BUB1B: variants seen among roughly 807,000 people sequenced by gnomAD.
The protein encoded by BUB1B is mitotic checkpoint serine/threonine-protein kinase BUB1 beta.
A neutral mutation model predicts 137.7 loss-of-function variants in BUB1B; 86 were observed. That is an observed-to-expected ratio of 0.62 (90% CI 0.52 to 0.75). The LOEUF (loss-of-function observed/expected upper bound fraction) is 0.75. BUB1B is among the 30% of genes least tolerant of loss of function. The probability of loss-of-function intolerance (pLI) is 0.00; values close to 1 mark genes in which losing one functional copy is unlikely to be tolerated. For missense variants in BUB1B, 1,130 were observed against 1,236.9 expected, an observed-to-expected ratio of 0.91 and a Z score of 1.30; for synonymous variants, 420 against 417.9, an observed-to-expected ratio of 1.00 and a Z score of -0.06.
intron 1 of BUB1B, among the ~76,000 whole-genome samples, chr15:40,162,983 A>T (rs755426212): frequency 5.3e-5 from 8 of 152,180 alleles, no homozygotes; most frequent in Admixed American, 1.3e-4. Flanking sequence ...AAAAAAATCA[A>T]TTCATTGCGG....
intron 9 of BUB1B, among the ~76,000 whole-genome samples, chr15:40,197,334 T>C (rs2037511035): frequency 6.6e-6 from 1 of 152,110 alleles, no homozygotes; most frequent in Non-Finnish European, 1.5e-5. Context: ...AATTGAGATA[T>C]GGGGAATTTT....
chr15:40,206,665 A>T (rs749660699), intron 15 of BUB1B, among the ~76,000 whole-genome samples: 1 of 152,196 alleles, frequency 6.6e-6, no homozygotes, highest in African/African-American at 2.4e-5. Flanking sequence ...GTAAATTTTG[A>T]TGGTAGAGAA....
intron 1 of BUB1B, among the ~76,000 whole-genome samples, chr15:40,163,367 G>A (rs746760449): frequency 2.0e-5 from 3 of 152,178 alleles, no homozygotes; most frequent in Admixed American, 6.5e-5. Context: ...TAAGCTCAGC[G>A]GTTCAAGACC....
intron 19 of BUB1B, 149 bp downstream of exon 19, chr15:40,212,797 A>G: frequency 1.2e-6 from 1 of 813,298 alleles, no homozygotes. Context: ...TTTTCTCGTT[A>G]TTTTGACCAA....
At position 40,199,746 on chromosome 15, in the gene BUB1B, T is replaced by A. The variant is rs1163981701; in HGVS notation, c.1401+19T>A. The stretch of plus-strand genomic sequence containing the variant: ...TGATCAGGTAATTTTTCTTTTTTCA[T>A]ACACAAAACTAGAATTTATTGAAAC... On this transcript the variant is annotated intron_variant, in intron 10 of 22. Transcript: ENST00000287598. The A allele has an allele frequency of 7.8e-6, 12 of 1,541,026 alleles. No homozygotes were observed. The highest frequency in any genetic ancestry group is 1.1e-5 in the Non-Finnish European group (12 of 1,114,792).
At chr15:40,185,512 T>C in intron 7 of BUB1B, 39 bp from the exon 8 acceptor site, 1 of 1,600,792 alleles carries the variant, frequency 6.2e-7, no homozygotes, top group Non-Finnish European at 8.6e-7. Context: ...TCTGAGAACA[T>C]AAAACTATGG....
At position 40,169,609 on chromosome 15, in the gene BUB1B, CTTTTTTTTTTTT is replaced by C. The variant is rs893767898; in HGVS notation, c.180-442_180-431del. Among the ~76,000 whole-genome samples the C allele has an allele frequency of 1.4e-3, 133 of 96,946 alleles. 2 individuals carry two copies. Among genetic ancestry groups the C allele is most frequent in the African/African-American group, 4.8e-3 (127 of 26,538 alleles). The allele number at this position is 96,946 out of a possible 152,430, so 63.6% of individuals were successfully genotyped here. On this transcript the variant is annotated intron_variant, in intron 2 of 22. Coordinates refer to ENST00000287598, the MANE Select transcript of BUB1B (RefSeq NM_001211.6). ...AAGTAGAATCTTAATTATTTCTATT[CTTTTTTTTTTTT>C]TTTTTTTTTTGAGACAGAGTCTTGC...
chr15:40,172,106 ATT>A (rs2037169601), intron 4 of BUB1B, among the ~76,000 whole-genome samples: 2 of 151,880 alleles, frequency 1.3e-5, no homozygotes, highest in Admixed American at 6.5e-5. Flanking sequence ...AAAGAAATAA[ATT>A]TCTTACTAAA....
intron 8 of BUB1B, among the ~76,000 whole-genome samples, chr15:40,195,933 CT>C (rs1159613831): frequency 3.3e-5 from 5 of 152,136 alleles, no homozygotes; most frequent in Admixed American, 3.3e-4. Flanking sequence ...TGTGGGTTGT[CT>C]GTTTACTCTG....
intron 5 of BUB1B, among the ~76,000 whole-genome samples, chr15:40,177,883 G>A (rs972728699): frequency 6.6e-6 from 1 of 151,090 alleles, no homozygotes; most frequent in Non-Finnish European, 1.5e-5. Flanking sequence ...GCATAGAGTT[G>A]TTCATAATAT....
intron 5 of BUB1B, among the ~76,000 whole-genome samples, chr15:40,179,870 T>C (rs1332423528): frequency 6.6e-6 from 1 of 151,968 alleles, no homozygotes; most frequent in Admixed American, 6.6e-5. Context: ...TAAAAGTTCC[T>C]TTATATTCCC....
At chr15:40,204,190 T>C (rs7173181) in intron 14 of BUB1B, among the ~76,000 whole-genome samples, 22,414 of 152,180 alleles carry the variant, frequency 0.15, 1,809 homozygotes, top group African/African-American at 0.18. Context: ...CTAGGTGCCA[T>C]TGGAATTTCC....
At chr15:40,203,883 GA>G (rs2037605616) in intron 14 of BUB1B, among the ~76,000 whole-genome samples, 1 of 152,216 alleles carries the variant, frequency 6.6e-6, no homozygotes, top group African/African-American at 2.4e-5. Flanking sequence ...GAAAAGAATT[GA>G]GTATGTTTAA....
At position 40,220,903 on chromosome 15, in the gene BUB1B, T is replaced by C. The variant is rs2140915177; in HGVS notation, c.*144T>C. On this transcript the variant is annotated 3_prime_UTR_variant, in exon 23 of 23. Coordinates refer to ENST00000287598, the MANE Select transcript of BUB1B (RefSeq NM_001211.6). The stretch of plus-strand genomic sequence containing the variant: ...TCTACTTTTTGGTACAGGTATATTT[T>C]GACGTCACTGATATTTTTTATACAG... 1 of 857,688 alleles carries C rather than the reference T, an allele frequency of 1.2e-6. No homozygotes were observed. Among genetic ancestry groups the C allele is most frequent in the South Asian group, 1.4e-5 (1 of 69,096 alleles). The allele number at this position is 857,688 out of a possible 1,614,324, so 53.1% of individuals were successfully genotyped here.
At chr15:40,216,733 G>A (rs968180449) in intron 20 of BUB1B, among the ~76,000 whole-genome samples, 16 of 151,352 alleles carry the variant, frequency 1.1e-4, no homozygotes, top group Middle Eastern at 3.4e-3. Context: ...CTGTATTTAG[G>A]AATATTGCAC....
chr15:40,218,584 G>T, intron 22 of BUB1B, 22 bp downstream of exon 22: 1 of 1,531,660 alleles, frequency 6.5e-7, no homozygotes, highest in Non-Finnish European at 9.0e-7. Context: ...TGAATGTCAG[G>T]GTCTCTGCCT....
At chr15:40,166,893 GT>G (rs963409497) in intron 2 of BUB1B, among the ~76,000 whole-genome samples, 2 of 152,082 alleles carry the variant, frequency 1.3e-5, no homozygotes, top group African/African-American at 4.8e-5. Flanking sequence ...AATGGTGAAC[GT>G]TTTTTCACAT....
intron 20 of BUB1B, among the ~76,000 whole-genome samples, chr15:40,214,800 T>C (rs1041675420): frequency 6.6e-6 from 1 of 152,096 alleles, no homozygotes; most frequent in African/African-American, 2.4e-5. Flanking sequence ...TGCAGGTGTG[T>C]TCCAAGCAAT....
intron 8 of BUB1B, among the ~76,000 whole-genome samples, chr15:40,189,451 C>T (rs28869227): frequency 0.06 from 9,079 of 152,234 alleles, 891 homozygotes; most frequent in African/African-American, 0.21. Flanking sequence ...TGAGCCACTG[C>T]GTCCAGGCAG....
Sources: gnomAD v4.1 joint callset for allele counts (sites outside exome capture counted in the v4.1 genomes callset) on GRCh38, gnomAD v4.1.1 for gene constraint, MANE v1.5 for transcripts, NCBI Gene and HGNC (gene_info 2026-07-23, HGNC 2026-07-21) for gene names.